Variants in POLR2F observed in about 807,000 individuals in gnomAD.
POLR2F encodes the protein DNA-directed RNA polymerases I, II, and III subunit RPABC2.
In POLR2F, 12 loss-of-function variants were observed where a neutral mutation model predicts 22.7. That is an observed-to-expected ratio of 0.53 (90% CI 0.34 to 0.86). The LOEUF is 0.86. POLR2F is among the 40% of genes least tolerant of loss of function. The pLI, the probability that POLR2F is intolerant of heterozygous loss-of-function variation, is 0.02. For missense variants in POLR2F, 126 were observed against 171.5 expected, an observed-to-expected ratio of 0.73 and a Z score of 1.48; for synonymous variants, 57 against 66.0, an observed-to-expected ratio of 0.86 and a Z score of 0.66.
intron 1 of POLR2F, among the ~76,000 whole-genome samples, chr22:37,993,944 G>A (rs1401058300): frequency 1.3e-5 from 2 of 152,182 alleles, no homozygotes; most frequent in Non-Finnish European, 2.9e-5. Flanking sequence ...AGCCGAGATC[G>A]CGCCACTGCA....
At chr22:37,971,445 A>T (rs1378427655), downstream of POLR2F, 1 of 390,782 alleles carries the variant, frequency 2.6e-6, no homozygotes, top group Non-Finnish European at 5.3e-6. Context: ...GGAGTTGTTC[A>T]TCAGTGGAGC....
At chr22:37,990,016 C>A (rs1048340104) in intron 1 of POLR2F, among the ~76,000 whole-genome samples, 3 of 152,206 alleles carry the variant, frequency 2.0e-5, no homozygotes, top group African/African-American at 7.2e-5. Context: ...TTCAGATGTG[C>A]TCTGCCTCCT....
At position 38,036,506 on chromosome 22, in the gene POLR2F, G is replaced by A. The variant is rs756354587; in HGVS notation, c.453-4562G>A. ...GCTCTCCTTAGGAACCTGTCCTAGA[G>A]GAGCAGGCCCATTCTTAGCACATAC... On this transcript the variant is annotated intron_variant, in intron 5 of 5. Transcript: ENST00000407936. 2.0e-5 allele frequency among the ~76,000 whole-genome samples: 3 copies of A among 150,282 alleles called. No individual in the cohort carries two copies. The Admixed American group carries it at 2.0e-4, about 10-fold the overall frequency.
At chr22:38,007,727 T>C (rs1450718320) in intron 1 of POLR2F, among the ~76,000 whole-genome samples, 1 of 152,170 alleles carries the variant, frequency 6.6e-6, no homozygotes, top group African/African-American at 2.4e-5. Flanking sequence ...ACTTGCTGAA[T>C]TAACAAATGC....
chr22:38,009,304 T>C (rs137989836), intron 1 of POLR2F, among the ~76,000 whole-genome samples: 86 of 152,236 alleles, frequency 5.6e-4, no homozygotes, highest in Non-Finnish European at 1.0e-3. Flanking sequence ...AGGATTGCTG[T>C]CTACTCTGTT....
intron 4 of POLR2F, among the ~76,000 whole-genome samples, chr22:37,975,963 G>A (rs1311137824): frequency 6.6e-6 from 1 of 152,034 alleles, no homozygotes; most frequent in Non-Finnish European, 1.5e-5. Context: ...ATAGGAGGCT[G>A]GGCGTGCTGG....
intron 1 of POLR2F, among the ~76,000 whole-genome samples, chr22:38,000,287 G>A (rs2084757359): frequency 1.3e-5 from 2 of 152,218 alleles, no homozygotes; most frequent in African/African-American, 4.8e-5. Flanking sequence ...TGTACTGACA[G>A]GGAGCTGAGG....
chr22:37,965,865 G>A (rs1601871770), intron 3 of POLR2F, among the ~76,000 whole-genome samples: 1 of 152,188 alleles, frequency 6.6e-6, no homozygotes, highest in South Asian at 2.1e-4. Flanking sequence ...ATGCTCTCCT[G>A]TTAATTCTGG....
chr22:38,012,669 C>T (rs2084881527), intron 1 of POLR2F, among the ~76,000 whole-genome samples: 1 of 152,154 alleles, frequency 6.6e-6, no homozygotes, highest in Admixed American at 6.6e-5. Flanking sequence ...TCCCAGGTCT[C>T]CCCCTAACTG....
At chr22:38,041,363 G>C, downstream of POLR2F, 1 of 497,518 alleles carries the variant, frequency 2.0e-6, no homozygotes, top group East Asian at 3.2e-5. Context: ...GACAGGCTTG[G>C]GGAGGGACTG....
At chr22:37,955,414 C>T (rs996280646) in intron 1 of POLR2F, among the ~76,000 whole-genome samples, 14 of 151,530 alleles carry the variant, frequency 9.2e-5, no homozygotes, top group Non-Finnish European at 2.1e-4. Flanking sequence ...TGGCGTGTGC[C>T]TATAATCCCA....
chr22:37,992,586 A>T (rs1932749504), intron 1 of POLR2F, among the ~76,000 whole-genome samples: 1 of 152,120 alleles, frequency 6.6e-6, no homozygotes, highest in Non-Finnish European at 1.5e-5. Flanking sequence ...GTAGAGACGG[A>T]TGGGGTTTCA....
rs1195932314 is a variant in POLR2F at position 37,978,677 on chromosome 22, T to A, written c.293+11507T>A. ...CCTATAAAAGGATGATAACATTGGCTTAACTTGGGTGTGGGATTGGCCAGA... is the reference window on the plus strand; with the variant it reads ...CCTATAAAAGGATGATAACATTGGCATAACTTGGGTGTGGGATTGGCCAGA... On this transcript the variant is annotated intron_variant, in intron 4 of 4. Transcript: ENST00000405557. The surrounding 1 kb of genome is among the most constrained non-coding windows in gnomAD (Gnocchi z 5.0). Among the ~76,000 whole-genome samples, 1 of 152,224 alleles carries A rather than the reference T, an allele frequency of 6.6e-6. No individual in the cohort carries two copies. Among genetic ancestry groups the A allele is most frequent in the Non-Finnish European group, 1.5e-5 (1 of 68,044 alleles).
intron 1 of POLR2F, among the ~76,000 whole-genome samples, chr22:38,004,178 T>TG (rs139899): frequency 0.071 from 10,769 of 151,632 alleles, 472 homozygotes; most frequent in African/African-American, 0.11. Context: ...TGTAGAGATG[T>TG]GGGGGGGGTC....
At position 37,968,816 on chromosome 22, in the gene POLR2F, C is replaced by T. The variant is rs3026643; in HGVS notation, c.*1101C>T. ...CAGGGCCTCCAGGCCTAGGTGCAGCCTGGCCCTGGGATGGGATGTGGGGAG... is the reference window on the plus strand; with the variant it reads ...CAGGGCCTCCAGGCCTAGGTGCAGCTTGGCCCTGGGATGGGATGTGGGGAG... On this transcript the variant is annotated 3_prime_UTR_variant, in exon 5 of 5. Transcript: ENST00000442738. 7.1e-6 allele frequency: 7 copies of T among 985,440 alleles called. No homozygotes were observed. The highest frequency in any genetic ancestry group is 1.2e-4 in the Admixed American group (2 of 16,272). 61.0% of individuals were successfully genotyped at this position (985,440 alleles called of 1,614,324 possible). A position where few individuals can be genotyped will look rare whatever the true frequency, so the allele number is the denominator to read the frequency against.
chr22:37,984,853 C>G (rs1049136000), upstream of POLR2F, among the ~76,000 whole-genome samples: 3 of 152,136 alleles, frequency 2.0e-5, no homozygotes, highest in Admixed American at 6.5e-5. The surrounding 1 kb of genome is among the most constrained non-coding windows in gnomAD (Gnocchi z 4.4). Flanking sequence ...TGGGCCCAAC[C>G]AGGACTCCTA....
intron 1 of POLR2F, among the ~76,000 whole-genome samples, chr22:38,022,764 G>C (rs1207394860): frequency 6.6e-6 from 1 of 152,132 alleles, no homozygotes; most frequent in African/African-American, 2.4e-5. Flanking sequence ...TGTAATCCCA[G>C]CACTTTGGGA....
chr22:37,970,996 A>G, downstream of POLR2F: 2 of 283,658 alleles, frequency 7.1e-6, no homozygotes, highest in Non-Finnish European at 1.4e-5. Flanking sequence ...AGCTTCCATG[A>G]TGCAGGTCCT....
intron 1 of POLR2F, among the ~76,000 whole-genome samples, chr22:38,023,146 T>C (rs2084975799): frequency 6.6e-6 from 1 of 152,228 alleles, no homozygotes; most frequent in African/African-American, 2.4e-5. Context: ...TGGGCTGTGA[T>C]AGGGACTGGG....
Sources: gnomAD v4.1 joint callset for allele counts (sites outside exome capture counted in the v4.1 genomes callset) on GRCh38, gnomAD v4.1.1 for gene constraint, Gnocchi (gnomAD v3.1) non-coding constraint, MANE v1.5 for transcripts, NCBI Gene and HGNC (gene_info 2026-07-23, HGNC 2026-07-21) for gene names.